MRAP2: variants seen among roughly 807,000 people sequenced by gnomAD.
The protein encoded by MRAP2 is melanocortin 2 receptor accessory protein 2.
Under a neutral mutation model 17.4 loss-of-function variants are expected in MRAP2, and 20 were observed. The observed-to-expected ratio is 1.15, with a 90% CI of 0.81 to 1.67. The LOEUF (loss-of-function observed/expected upper bound fraction) is 1.67, where lower values mean the gene tolerates loss of function less well. Among genes scored for constraint, MRAP2 ranks in the 40% most tolerant of loss-of-function variants. The pLI is 0.00. For missense variants in MRAP2, 238 were observed against 240.0 expected, an observed-to-expected ratio of 0.99 and a Z score of 0.05; for synonymous variants, 96 against 88.4, an observed-to-expected ratio of 1.09 and a Z score of -0.48.
chr6:84,127,502 C>T, the MRAP2 span, among the ~76,000 whole-genome samples: 1 of 151,948 alleles, frequency 6.6e-6, no homozygotes, highest in Non-Finnish European at 1.5e-5. Context: ...AGGGAGAGGC[C>T]TCACAGAACA....
intron 2 of MRAP2, chr6:84,062,163 T>C (rs1003423849): frequency 2.1e-6 from 2 of 947,886 alleles, no homozygotes; most frequent in Non-Finnish European, 2.5e-6. Context: ...TTTGCATACT[T>C]GCATTCTTAG....
the MRAP2 span, among the ~76,000 whole-genome samples, chr6:84,117,495 C>CTT: frequency 0.044 from 6,480 of 146,460 alleles, 455 homozygotes; most frequent in African/African-American, 0.15. Flanking sequence ...TGGTCCTGGG[C>CTT]TTTTTTTTTT....
chr6:84,045,118 A>T (rs888183590), intron 1 of MRAP2: 2 of 584,202 alleles, frequency 3.4e-6, no homozygotes, highest in African/African-American at 2.0e-5. Flanking sequence ...ACACCATTTT[A>T]TACTAGGGAC....
the MRAP2 span, among the ~76,000 whole-genome samples, chr6:84,119,932 A>C: frequency 6.6e-6 from 1 of 152,212 alleles, no homozygotes; most frequent in Non-Finnish European, 1.5e-5. Flanking sequence ...AATCTCTATT[A>C]GTCAGGGTTC....
At chr6:84,033,929 G>A (rs1022136892) in intron 1 of MRAP2, 46 bp downstream of exon 1, 8 of 985,602 alleles carry the variant, frequency 8.1e-6, no homozygotes, top group East Asian at 1.1e-4. Context: ...CAAAGCCCGG[G>A]CGCTGGGTGC....
At chr6:84,125,080 G>A in the MRAP2 span, 2 of 1,610,564 alleles carry the variant, frequency 1.2e-6, no homozygotes, top group South Asian at 2.2e-5. Context: ...TTAATACTCT[G>A]GTGCATTCAT....
At chr6:84,127,613 C>A in the MRAP2 span, among the ~76,000 whole-genome samples, 1 of 152,058 alleles carries the variant, frequency 6.6e-6, no homozygotes, top group African/African-American at 2.4e-5. Flanking sequence ...ACTAAGAAAG[C>A]TGATAAAGGC....
At chr6:84,088,623 A>T (rs2129176521) in intron 3 of MRAP2, among the ~76,000 whole-genome samples, 1 of 152,356 alleles carries the variant, frequency 6.6e-6, no homozygotes, top group East Asian at 1.9e-4. Context: ...CCTATGAGAC[A>T]GTATTATTGT....
intron 3 of MRAP2, among the ~76,000 whole-genome samples, chr6:84,073,940 G>C (rs1330655089): frequency 6.8e-6 from 1 of 147,094 alleles, no homozygotes; most frequent in African/African-American, 2.5e-5. Flanking sequence ...TATTTTATGT[G>C]TGGCCCAAGA....
intron 3 of MRAP2, among the ~76,000 whole-genome samples, chr6:84,070,273 G>T (rs1305501220): frequency 6.6e-6 from 1 of 152,132 alleles, no homozygotes. Flanking sequence ...CTGTATCCCA[G>T]AAGTTTTGAT....
chr6:84,124,510 G>A, the MRAP2 span: 1 of 152,998 alleles, frequency 6.5e-6, no homozygotes, highest in Non-Finnish European at 1.5e-5. Flanking sequence ...TCACTTAAAA[G>A]TAGGAGCTAA....
the MRAP2 span, among the ~76,000 whole-genome samples, chr6:84,116,219 A>T: frequency 6.6e-6 from 1 of 152,198 alleles, no homozygotes; most frequent in African/African-American, 2.4e-5. Context: ...GTGTGTCCCC[A>T]CCCAAATCTC....
chr6:84,044,633 C>T (rs936525551), intron 1 of MRAP2, among the ~76,000 whole-genome samples: 1 of 152,224 alleles, frequency 6.6e-6, no homozygotes, highest in Non-Finnish European at 1.5e-5. Context: ...CCCCTGATGC[C>T]TTTCTCTCTG....
chr6:84,102,721 C>T, the MRAP2 span, among the ~76,000 whole-genome samples: 3 of 151,816 alleles, frequency 2.0e-5, no homozygotes, highest in Non-Finnish European at 4.4e-5. Flanking sequence ...CATTAGAGGT[C>T]TGTTATGGAG....
downstream of MRAP2, among the ~76,000 whole-genome samples, chr6:84,094,376 C>A (rs1307566473): frequency 6.6e-6 from 1 of 152,180 alleles, no homozygotes; most frequent in African/African-American, 2.4e-5. Context: ...GATTCCTCTT[C>A]ACTTAAAGTT....
chr6:84,088,972 C>G, intron 3 of MRAP2, 119 bp from the exon 4 acceptor site: 1 of 1,093,774 alleles, frequency 9.1e-7, no homozygotes, highest in East Asian at 2.5e-5. Flanking sequence ...ATGCAAGGGG[C>G]TTACACTCAA....
In MRAP2 at chr6:84,090,478, G is replaced by A. The variant is rs1208466824; in HGVS notation, c.*997G>A. 1 of 152,206 alleles carries A rather than the reference G, an allele frequency of 6.6e-6. No homozygotes were observed. Among genetic ancestry groups the A allele is most frequent in the Non-Finnish European group, 1.5e-5 (1 of 68,056 alleles). 9.4% of individuals were successfully genotyped at this position (152,206 alleles called of 1,614,324 possible). A position where few individuals can be genotyped will look rare whatever the true frequency, so the allele number is the denominator to read the frequency against. On this transcript the variant is annotated 3_prime_UTR_variant, in exon 4 of 4. Transcript: ENST00000257776. ...ACATGTATGGTACTCTTGTCCCCAA[G>A]AAATGTTAGGAAGCTTGTCAGCTGA...
chr6:84,120,493 G>T, the MRAP2 span, among the ~76,000 whole-genome samples: 9 of 152,106 alleles, frequency 5.9e-5, 1 homozygote, highest in Non-Finnish European at 1.3e-4. Flanking sequence ...GCCCCTAAGT[G>T]CAATGATTAA....
intron 1 of MRAP2, among the ~76,000 whole-genome samples, chr6:84,034,764 T>TTA (rs2099485541): frequency 6.6e-6 from 1 of 152,112 alleles, no homozygotes; most frequent in South Asian, 2.1e-4. Context: ...AAATTAATTC[T>TTA]TACGAAAACC....
Sources: gnomAD v4.1 joint callset for allele counts (sites outside exome capture counted in the v4.1 genomes callset) on GRCh38, gnomAD v4.1.1 for gene constraint, MANE v1.5 for transcripts, NCBI Gene and HGNC (gene_info 2026-07-23, HGNC 2026-07-21) for gene names.